The following RALYL variants were observed in gnomAD, a reference collection of about 807,000 sequenced individuals.
The protein encoded by RALYL is RNA-binding Raly-like protein.
RALYL carries 29 observed loss-of-function variants against 35.1 expected under a neutral mutation model. That is an observed-to-expected ratio of 0.83 (90% CI 0.61 to 1.13). RALYL has a LOEUF of 1.13. Among genes scored for constraint, RALYL ranks in the 50% most tolerant of loss-of-function variants. RALYL has a pLI of 0.00. For synonymous variants in RALYL, 120 were observed against 127.6 expected (o/e 0.94, Z 0.40); for missense variants, 359 against 360.4 (o/e 1.00, Z 0.03).
intron 1 of RALYL, among the ~76,000 whole-genome samples, chr8:84,488,354 G>C (rs1283075351): frequency 6.6e-6 from 1 of 152,036 alleles, no homozygotes; most frequent in Non-Finnish European, 1.5e-5. Context: ...CAGAATTGCT[G>C]TTTGTAGGCT....
chr8:84,534,777 G>T (rs2059490716), intron 2 of RALYL, among the ~76,000 whole-genome samples: 1 of 152,202 alleles, frequency 6.6e-6, no homozygotes, highest in Non-Finnish European at 1.5e-5. Context: ...TATAGTTGGG[G>T]TTGCTGCTAA....
At chr8:84,736,784 G>A (rs1217974346) in intron 2 of RALYL, among the ~76,000 whole-genome samples, 1 of 151,934 alleles carries the variant, frequency 6.6e-6, no homozygotes, top group African/African-American at 2.4e-5. Context: ...CCTACCTAGA[G>A]GTCTTTACCT....
At chr8:84,391,930 T>C (rs1045828187) in intron 1 of RALYL, among the ~76,000 whole-genome samples, 1 of 152,014 alleles carries the variant, frequency 6.6e-6, no homozygotes, top group African/African-American at 2.4e-5. Flanking sequence ...TCATCAACCC[T>C]TATATTCAAG....
intron 2 of RALYL, among the ~76,000 whole-genome samples, chr8:84,725,960 A>G (rs1239980446): frequency 6.6e-6 from 1 of 151,578 alleles, no homozygotes; most frequent in African/African-American, 2.4e-5. Context: ...GAAAACAATT[A>G]TGCTTTATAA....
At chr8:84,651,454 T>C (rs1828808616) in intron 2 of RALYL, among the ~76,000 whole-genome samples, 2 of 151,990 alleles carry the variant, frequency 1.3e-5, no homozygotes, top group African/African-American at 2.4e-5. Flanking sequence ...ATGAGACAAA[T>C]AGGGAAATTT....
chr8:84,623,041 C>A (rs182711834), intron 2 of RALYL, among the ~76,000 whole-genome samples: 1 of 152,240 alleles, frequency 6.6e-6, no homozygotes, highest in Non-Finnish European at 1.5e-5. Context: ...TGACTGAAAG[C>A]CAGTTCTGAT....
intron 1 of RALYL, among the ~76,000 whole-genome samples, chr8:84,401,637 C>CAAAAA (rs71271985): frequency 1.0e-3 from 18 of 17,422 alleles, no homozygotes; most frequent in South Asian, 4.5e-3. Context: ...GACTCTGTCT[C>CAAAAA]AAAAAAAAAA....
At chr8:84,493,287 G>A (rs2134076589) in intron 1 of RALYL, among the ~76,000 whole-genome samples, 1 of 152,200 alleles carries the variant, frequency 6.6e-6, no homozygotes, top group African/African-American at 2.4e-5. Context: ...TGGCATATAT[G>A]TATCACATTT....
intron 2 of RALYL, among the ~76,000 whole-genome samples, chr8:84,730,269 A>T (rs917531626): frequency 4.6e-5 from 7 of 152,140 alleles, no homozygotes; most frequent in Admixed American, 2.6e-4. Context: ...TATAAATAGA[A>T]CCAAAGACAA....
intron 1 of RALYL, among the ~76,000 whole-genome samples, chr8:84,290,587 G>A (rs1585986272): frequency 2.0e-5 from 3 of 152,222 alleles, no homozygotes; most frequent in South Asian, 4.1e-4. Context: ...ATCAGTTAAG[G>A]CAAGGACCGC....
At chr8:84,401,951 TCTC>T (rs144776684) in intron 1 of RALYL, among the ~76,000 whole-genome samples, 1 of 152,224 alleles carries the variant, frequency 6.6e-6, no homozygotes, top group African/African-American at 2.4e-5. Context: ...TCAGATCTCA[TCTC>T]CTTTGTGAAA....
At chr8:84,825,500 A>G (rs1481689842) in intron 4 of RALYL, among the ~76,000 whole-genome samples, 1 of 152,152 alleles carries the variant, frequency 6.6e-6, no homozygotes, top group Non-Finnish European at 1.5e-5. Context: ...TACGGGGTAT[A>G]TATCCAAAAG....
At chr8:84,664,737 G>A (rs1396417172) in intron 2 of RALYL, among the ~76,000 whole-genome samples, 2 of 152,060 alleles carry the variant, frequency 1.3e-5, no homozygotes, top group Non-Finnish European at 2.9e-5. Context: ...GTGAGATGAT[G>A]GGGTTTTCTA....
At chr8:84,440,520 G>T (rs2048218669) in intron 1 of RALYL, among the ~76,000 whole-genome samples, 1 of 152,014 alleles carries the variant, frequency 6.6e-6, no homozygotes, top group Non-Finnish European at 1.5e-5. Context: ...TAATTAATCT[G>T]CTATGTGTCC....
intron 2 of RALYL, among the ~76,000 whole-genome samples, chr8:84,649,356 A>C (rs1233926312): frequency 2.0e-5 from 3 of 151,918 alleles, no homozygotes; most frequent in Admixed American, 6.6e-5. Flanking sequence ...GTCCTTGCCC[A>C]TGCCTATGTC....
At chr8:84,774,973 G>A (rs1056309476) in intron 3 of RALYL, among the ~76,000 whole-genome samples, 2 of 151,972 alleles carry the variant, frequency 1.3e-5, no homozygotes, top group East Asian at 3.9e-4. Context: ...TTTTTGAGAT[G>A]GAGTCTCTCT....
In RALYL at chr8:84,679,865, T is replaced by C. The variant is rs921998237; in HGVS notation, c.257-94714T>C. The C allele has an allele frequency of 3.0e-5, 11 of 361,504 alleles. 1 individual carries two copies. The highest frequency in any genetic ancestry group is 2.9e-4 in the Admixed American group (8 of 27,492). The allele number at this position is 361,504 out of a possible 1,614,324, so 22.4% of individuals were successfully genotyped here. A position where few individuals can be genotyped will look rare whatever the true frequency, so the allele number is the denominator to read the frequency against. On this transcript the variant is annotated intron_variant, in intron 2 of 8. Coordinates refer to ENST00000521268, the MANE Select transcript of RALYL (RefSeq NM_173848.7). ...TTTATTTTTTTTCTTTTTTTTAAAA[T>C]TATACTTTAAGTTTTAGGGTACATG...
intron 2 of RALYL, among the ~76,000 whole-genome samples, chr8:84,704,488 C>T (rs1840824293): frequency 6.7e-6 from 1 of 149,580 alleles, no homozygotes; most frequent in Admixed American, 6.7e-5. Context: ...CACACAACAA[C>T]TCATTTATTC....
At chr8:84,920,050 G>A (rs1451434206) in intron 8 of RALYL, among the ~76,000 whole-genome samples, 1 of 152,020 alleles carries the variant, frequency 6.6e-6, no homozygotes, top group African/African-American at 2.4e-5. Context: ...AATAAATAAA[G>A]TCAAGTTACC....
Sources: gnomAD v4.1 joint callset for allele counts (sites outside exome capture counted in the v4.1 genomes callset) on GRCh38, gnomAD v4.1.1 for gene constraint, MANE v1.5 for transcripts, NCBI Gene and HGNC (gene_info 2026-07-23, HGNC 2026-07-21) for gene names.